Variants in PPM1E observed in about 807,000 individuals in gnomAD.
The protein encoded by PPM1E is protein phosphatase 1E.
In PPM1E, 20 loss-of-function variants were observed where a neutral mutation model predicts 65.9. The ratio of observed to expected loss-of-function variants is 0.30; its 90% CI spans 0.21 to 0.44. PPM1E has a LOEUF of 0.44. Ranked by LOEUF, PPM1E falls within the 20% of genes least tolerant of loss-of-function variation. PPM1E has a pLI of 1.00. For synonymous variants in PPM1E, 352 were observed against 374.9 expected (o/e 0.94, Z 0.70); for missense variants, 713 against 953.1 (o/e 0.75, Z 3.32).
chr17:58,867,052 C>G (rs542779806), intron 1 of PPM1E, among the ~76,000 whole-genome samples: 1 of 152,152 alleles, frequency 6.6e-6, no homozygotes, highest in Non-Finnish European at 1.5e-5. Context: ...ATGATCTCGG[C>G]TCACTGCAAC....
chr17:58,762,908 A>T (rs963301422), intron 1 of PPM1E, among the ~76,000 whole-genome samples: 1 of 152,056 alleles, frequency 6.6e-6, no homozygotes, highest in African/African-American at 2.4e-5. Flanking sequence ...AAAAAAAAAA[A>T]AAAAAAAAAT....
rs1412564251 is a variant in PPM1E, at chr17:58,942,001, G to A, written c.465-13648G>A. 6.1e-5 allele frequency among the ~76,000 whole-genome samples: 8 copies of A among 131,652 alleles called. No individual in the cohort carries two copies. The East Asian group carries it at 8.7e-4, about 14-fold the overall frequency. 86.4% of individuals were successfully genotyped at this position (131,652 alleles called of 152,430 possible). A position where few individuals can be genotyped will look rare whatever the true frequency, so the allele number is the denominator to read the frequency against. The stretch of plus-strand genomic sequence containing the variant: ...GCCTGGGGGACAAGACCGAGACTTC[G>A]TCTCAAAAAAAAAAAAAAAAAATGC... On this transcript the variant is annotated intron_variant, in intron 1 of 6. Transcript: ENST00000308249.
At chr17:58,875,152 C>G (rs1297009933) in intron 1 of PPM1E, among the ~76,000 whole-genome samples, 1 of 152,012 alleles carries the variant, frequency 6.6e-6, no homozygotes, top group African/African-American at 2.4e-5. Flanking sequence ...TTATAATAAG[C>G]CTGAAAAACA....
intron 1 of PPM1E, among the ~76,000 whole-genome samples, chr17:58,928,676 A>G (rs1252092320): frequency 6.6e-6 from 1 of 151,238 alleles, no homozygotes; most frequent in East Asian, 2.0e-4. Context: ...ATGAAAACAT[A>G]TATCTACGAA....
In PPM1E at chr17:58,964,792, C is replaced by T. The variant is rs561210069; in HGVS notation, c.584-902C>T. On this transcript the variant is annotated intron_variant, in intron 2 of 6. Transcript: ENST00000308249. Reference sequence around the variant, plus strand: ...GGTGCGGTGGCTCACGCCTATAATCCCAGCACTTTGGGAGGCCAAGGTGGG... The same window carrying T: ...GGTGCGGTGGCTCACGCCTATAATCTCAGCACTTTGGGAGGCCAAGGTGGG... 4.6e-5 allele frequency among the ~76,000 whole-genome samples: 7 copies of T among 152,112 alleles called. No homozygotes were observed. In the South Asian group the frequency reaches 1.0e-3, roughly 23 times the overall value.
intron 1 of PPM1E, among the ~76,000 whole-genome samples, chr17:58,820,950 A>G (rs923851066): frequency 3.3e-5 from 5 of 152,136 alleles, no homozygotes; most frequent in African/African-American, 1.2e-4. Flanking sequence ...AAAGTAAAAC[A>G]TAACTTGATC....
chr17:58,931,082 AAAAAG>A (rs1207155293), intron 1 of PPM1E, among the ~76,000 whole-genome samples: 1 of 142,304 alleles, frequency 7.0e-6, no homozygotes, highest in Non-Finnish European at 1.6e-5. Flanking sequence ...AAAAAAAAAA[AAAAAG>A]AAAGAAAGAA....
intron 1 of PPM1E, among the ~76,000 whole-genome samples, chr17:58,891,332 T>C (rs2051341639): frequency 6.6e-6 from 1 of 152,042 alleles, no homozygotes; most frequent in South Asian, 2.1e-4. Context: ...TTATTATTAT[T>C]ATTATTTTGA....
intron 1 of PPM1E, among the ~76,000 whole-genome samples, chr17:58,758,675 G>T (rs980404576): frequency 3.3e-5 from 5 of 152,078 alleles, no homozygotes; most frequent in Non-Finnish European, 5.9e-5. Flanking sequence ...TTAAATCAGA[G>T]ATTTCATCAT....
At chr17:58,848,382 C>T (rs1180321665) in intron 1 of PPM1E, among the ~76,000 whole-genome samples, 2 of 152,098 alleles carry the variant, frequency 1.3e-5, no homozygotes, top group Non-Finnish European at 2.9e-5. Flanking sequence ...CCAGTTTTTG[C>T]CCATTAGTAT....
At chr17:58,863,146 A>G (rs1251611474) in intron 1 of PPM1E, among the ~76,000 whole-genome samples, 1 of 152,194 alleles carries the variant, frequency 6.6e-6, no homozygotes, top group African/African-American at 2.4e-5. Context: ...TCCATTTTTA[A>G]TGGACTGATC....
At chr17:58,813,683 A>T (rs2050390729) in intron 1 of PPM1E, among the ~76,000 whole-genome samples, 1 of 152,248 alleles carries the variant, frequency 6.6e-6, no homozygotes, top group Admixed American at 6.5e-5. Context: ...GAAATATTTT[A>T]TTAAAAATTA....
At chr17:58,886,849 T>C (rs1480396921) in intron 1 of PPM1E, among the ~76,000 whole-genome samples, 3 of 152,174 alleles carry the variant, frequency 2.0e-5, no homozygotes, top group Admixed American at 6.5e-5. Context: ...AGCAAGTTAG[T>C]AGTTGCCTGA....
chr17:58,980,628 G>A lies in PPM1E; in HGVS notation c.1865G>A (p.Gly622Asp), dbSNP rs1598719645. 6.2e-7 allele frequency: 1 copy of A among 1,614,186 alleles called. No homozygotes were observed. Among genetic ancestry groups the A allele is most frequent in the Non-Finnish European group, 8.5e-7 (1 of 1,180,034 alleles). Residue 622 changes from glycine to aspartate, a missense_variant, in exon 7 of 7, where the codon GGT (glycine) becomes GAT (aspartate). Coordinates refer to ENST00000308249, the MANE Select transcript of PPM1E (RefSeq NM_014906.5). This position sits in a 1 kb window ranked among gnomAD's most constrained non-coding sequence, Gnocchi z 4.7. ...CAGTCATCATTGCCTGAATGGAGTGGTGCTGGAGAGTTTCCCACTGCTTTC... is the reference window on the plus strand; with the variant it reads ...CAGTCATCATTGCCTGAATGGAGTGATGCTGGAGAGTTTCCCACTGCTTTC... ...SVQSSLPEWS[G>D]AGEFPTAFNL...
At chr17:58,803,501 G>A (rs942435395) in intron 1 of PPM1E, among the ~76,000 whole-genome samples, 1 of 152,092 alleles carries the variant, frequency 6.6e-6, no homozygotes, top group Non-Finnish European at 1.5e-5. Context: ...GAGGGTTTTT[G>A]CATTTATGTT....
intron 1 of PPM1E, among the ~76,000 whole-genome samples, chr17:58,893,762 C>T (rs1035435504): frequency 5.3e-5 from 8 of 152,054 alleles, no homozygotes; most frequent in African/African-American, 1.9e-4. Context: ...TTGCTGTGAA[C>T]CTAAGACTGC....
Position 58,980,795 on chromosome 17 carries a change from T to C in PPM1E, c.2032T>C (p.Trp678Arg), listed in dbSNP as rs1355458543. 1.9e-6 allele frequency: 3 copies of C among 1,614,082 alleles called. No homozygotes were observed. The highest frequency in any genetic ancestry group is 2.5e-6 in the Non-Finnish European group (3 of 1,180,032). Residue 678 changes from tryptophan to arginine, a missense_variant, in exon 7 of 7, where the codon TGG (tryptophan) becomes CGG (arginine). By Grantham distance (101) the Trp-to-Arg change is moderately radical. Around this residue, in one of 6 missense-constraint regions of PPM1E, gnomAD observed 286 missense variants for 313.8 expected, o/e 0.91. Coordinates refer to ENST00000308249, the MANE Select transcript of PPM1E (RefSeq NM_014906.5). The surrounding 1 kb of genome is among the most constrained non-coding windows in gnomAD (Gnocchi z 4.7). The part of the protein sequence containing the change: ...SHLRHHYSKK[W>R]HRFRFNPKFY... ...TTTACGCCACCACTACTCAAAGAAG[T>C]GGCACAGATTCAGGTTTAATCCAAA...
Position 58,758,063 on chromosome 17 carries a change from C to A in PPM1E, c.464+1602C>A, listed in dbSNP as rs750335666. Among the ~76,000 whole-genome samples, 28 of 152,282 alleles carry A rather than the reference C, an allele frequency of 1.8e-4. No homozygotes were observed. The Middle Eastern group carries it at 0.01, about 55-fold the overall frequency. ...TATCTTAGCAGCAGACTGGCTCTAT[C>A]TTGACAGTTAATTCTTACCTTTACA... On this transcript the variant is annotated intron_variant, in intron 1 of 6. Coordinates refer to ENST00000308249, the MANE Select transcript of PPM1E (RefSeq NM_014906.5).
At chr17:58,794,663 G>A (rs2144266263) in intron 1 of PPM1E, among the ~76,000 whole-genome samples, 1 of 152,210 alleles carries the variant, frequency 6.6e-6, no homozygotes, top group East Asian at 1.9e-4. Context: ...AACATGCAAT[G>A]TTTGGTTTTC....
Sources: allele counts gnomAD v4.1 joint callset (sites outside exome capture counted in the v4.1 genomes callset), GRCh38; gene constraint gnomAD v4.1.1; regional missense constraint gnomAD v4.1.1; non-coding constraint Gnocchi (gnomAD v3.1); transcripts MANE v1.5; gene names NCBI Gene and HGNC (gene_info 2026-07-23, HGNC 2026-07-21).